PPP2R2B: variants seen among roughly 807,000 people sequenced by gnomAD.
PPP2R2B encodes the protein serine/threonine-protein phosphatase 2A 55 kDa regulatory subunit B beta isoform.
In PPP2R2B, 5 loss-of-function variants were observed where a neutral mutation model predicts 46.0. The ratio of observed to expected loss-of-function variants is 0.11; its 90% CI spans 0.06 to 0.23. The LOEUF (loss-of-function observed/expected upper bound fraction) is 0.23. Among genes scored for constraint, PPP2R2B ranks in the 10% least tolerant of loss-of-function variants. The pLI, the probability that PPP2R2B is intolerant of heterozygous loss-of-function variation, is 1.00. For synonymous variants in PPP2R2B, 215 were observed against 206.7 expected, an observed-to-expected ratio of 1.04 and a Z score of -0.34; for missense variants, 367 against 575.0, an observed-to-expected ratio of 0.64 and a Z score of 3.70.
At position 146,582,945 on chromosome 5, in the gene PPP2R2B, C is replaced by T. The variant is rs1377435141; in HGVS notation, c.*7002G>A. ...AGAAGCTCCTGATATGTGAACCACA[C>T]TAAGTCCATGCATTATTATTTTTCA... On this transcript the variant is annotated 3_prime_UTR_variant, in exon 10 of 10. Coordinates refer to ENST00000394411, the MANE Select transcript of PPP2R2B (RefSeq NM_181675.4). 6.6e-6 allele frequency: 1 copy of T among 152,222 alleles called. No individual in the cohort carries two copies. Among genetic ancestry groups the T allele is most frequent in the Non-Finnish European group, 1.5e-5 (1 of 68,044 alleles). The allele number at this position is 152,222 out of a possible 1,614,324, so 9.4% of individuals were successfully genotyped here. A position where few individuals can be genotyped will look rare whatever the true frequency, so the allele number is the denominator to read the frequency against.
intron 1 of PPP2R2B, among the ~76,000 whole-genome samples, chr5:146,944,635 G>A (rs1036679733): frequency 2.6e-5 from 4 of 152,044 alleles, no homozygotes; most frequent in East Asian, 3.9e-4. Flanking sequence ...TCACAGGAGC[G>A]GGAAGACTGT....
At chr5:146,843,913 G>A (rs546966603) in intron 2 of PPP2R2B, among the ~76,000 whole-genome samples, 9 of 151,848 alleles carry the variant, frequency 5.9e-5, no homozygotes, top group East Asian at 1.9e-4. Flanking sequence ...ATAAACATAC[G>A]TGTGCATGTG....
chr5:146,897,012 A>G (rs1366432590), intron 1 of PPP2R2B, among the ~76,000 whole-genome samples: 8 of 152,212 alleles, frequency 5.3e-5, no homozygotes, highest in Non-Finnish European at 8.8e-5. Flanking sequence ...AACTGAGCAT[A>G]TATTTGTCAT....
rs147122204 is a variant in PPP2R2B, at chr5:146,747,221, A to G, written c.71-46079T>C. Among the ~76,000 whole-genome samples the G allele has an allele frequency of 3.6e-3, 547 of 152,282 alleles. 4 individuals carry two copies. The highest frequency in any genetic ancestry group is 6.4e-3 in the Non-Finnish European group (434 of 68,018). ...CAGAAAAAATGGCTCTTGTCTCCCA[A>G]TGGTAGGCAGTTTAGCTGTGAGACC... On this transcript the variant is annotated intron_variant, in intron 2 of 9. Coordinates refer to ENST00000394411, the MANE Select transcript of PPP2R2B (RefSeq NM_181675.4).
intron 1 of PPP2R2B, among the ~76,000 whole-genome samples, chr5:146,900,645 C>T (rs1289769258): frequency 2.1e-5 from 3 of 142,076 alleles, no homozygotes; most frequent in Non-Finnish European, 3.0e-5. Context: ...TTTTAAGCTC[C>T]GGGCTACAGG....
rs537143140 is a variant in PPP2R2B, at chr5:146,796,686, C to G, written c.70+81316G>C. Among the ~76,000 whole-genome samples, 4 of 152,226 alleles carry G rather than the reference C, an allele frequency of 2.6e-5. No individual in the cohort carries two copies. In the East Asian group the frequency reaches 7.7e-4, roughly 29 times the overall value. ...CAATTTGGGAAGTCCTATTTACAAA[C>G]CTAGGGTAGAAAAGGAAACTAATCA... On this transcript the variant is annotated intron_variant, in intron 2 of 9. Coordinates refer to ENST00000394411, the MANE Select transcript of PPP2R2B (RefSeq NM_181675.4).
chr5:146,851,956 G>A (rs565210507), intron 2 of PPP2R2B, among the ~76,000 whole-genome samples: 1 of 152,154 alleles, frequency 6.6e-6, no homozygotes, highest in Non-Finnish European at 1.5e-5. Context: ...TTGAGGTCTA[G>A]GATAGCATTT....
chr5:146,733,351 T>A (rs1447618918), intron 2 of PPP2R2B, among the ~76,000 whole-genome samples: 1 of 152,124 alleles, frequency 6.6e-6, no homozygotes. Context: ...GATATAAAAT[T>A]AATTGGGGGT....
At chr5:146,655,759 G>A (rs571489299) in intron 5 of PPP2R2B, among the ~76,000 whole-genome samples, 3 of 152,282 alleles carry the variant, frequency 2.0e-5, no homozygotes, top group Admixed American at 1.3e-4. Flanking sequence ...GGGCGATCAC[G>A]CTGCCATGGA....
chr5:146,944,181 A>G (rs1764408674), intron 1 of PPP2R2B, among the ~76,000 whole-genome samples: 1 of 152,208 alleles, frequency 6.6e-6, no homozygotes, highest in African/African-American at 2.4e-5. Context: ...TCCTAAGTGC[A>G]ATACGCTGAG....
At chr5:146,755,239 C>G (rs931002101) in intron 2 of PPP2R2B, among the ~76,000 whole-genome samples, 15 of 152,096 alleles carry the variant, frequency 9.9e-5, no homozygotes, top group African/African-American at 3.6e-4. Context: ...TGCATTCATA[C>G]ATGCATTACT....
chr5:147,022,653 A>C (rs1755337113), intron 1 of PPP2R2B, among the ~76,000 whole-genome samples: 2 of 152,294 alleles, frequency 1.3e-5, no homozygotes, highest in South Asian at 2.1e-4. Context: ...AATTTTTCTA[A>C]GGAACATCAT....
At chr5:146,869,665 G>C (rs1300316570) in intron 2 of PPP2R2B, among the ~76,000 whole-genome samples, 1 of 152,218 alleles carries the variant, frequency 6.6e-6, no homozygotes, top group Non-Finnish European at 1.5e-5. Flanking sequence ...TAACCTTTGG[G>C]TAGGAAAGTG....
chr5:146,703,746 C>A (rs554436367), intron 2 of PPP2R2B, among the ~76,000 whole-genome samples: 24 of 152,322 alleles, frequency 1.6e-4, no homozygotes. Flanking sequence ...GTCAAAGTCA[C>A]ATGATTTAAG....
At position 146,616,130 on chromosome 5, in the gene PPP2R2B, G is replaced by C. The variant is rs111531446; in HGVS notation, c.791-15670C>G. Among the ~76,000 whole-genome samples the C allele has an allele frequency of 6.7e-3, 1,019 of 152,176 alleles. 15 individuals are homozygous for C. The highest frequency in any genetic ancestry group is 0.023 in the African/African-American group (967 of 41,524). ...ACAAAGGTGCCAAGAACATACACTGGGGGAAAAGACAGTCTCTTCAACTAT... is the reference window on the plus strand; with the variant it reads ...ACAAAGGTGCCAAGAACATACACTGCGGGAAAAGACAGTCTCTTCAACTAT... On this transcript the variant is annotated intron_variant, in intron 7 of 9. Transcript: ENST00000394411.
At chr5:146,992,002 T>G (rs1163955166) in intron 1 of PPP2R2B, among the ~76,000 whole-genome samples, 2 of 152,148 alleles carry the variant, frequency 1.3e-5, no homozygotes, top group Non-Finnish European at 2.9e-5. Context: ...GTTAAAATTT[T>G]TCATAGAAAT....
intron 6 of PPP2R2B, among the ~76,000 whole-genome samples, chr5:146,649,415 T>C (rs1458881301): frequency 8.8e-6 from 1 of 114,126 alleles, no homozygotes; most frequent in African/African-American, 4.4e-5. Flanking sequence ...CTATTCAGCA[T>C]TTTTTTTTTT....
At chr5:147,030,979 G>A (rs1357889281) in intron 1 of PPP2R2B, among the ~76,000 whole-genome samples, 1 of 152,156 alleles carries the variant, frequency 6.6e-6, no homozygotes, top group African/African-American at 2.4e-5. Flanking sequence ...GCTCACGCCT[G>A]TAATCCCAGC....
rs138389627 is a variant in PPP2R2B, at chr5:146,739,524, C to T, written c.71-38382G>A. On this transcript the variant is annotated intron_variant, in intron 2 of 9. Transcript: ENST00000394411. ...GGGACCAACAGAGATTTCAATGAGA[C>T]GGAAGCATGGAGTGCCAGGGCTGGG... Among the ~76,000 whole-genome samples, 563 of 152,108 alleles carry T rather than the reference C, an allele frequency of 3.7e-3. 3 individuals are homozygous for T. The highest frequency in any genetic ancestry group is 0.013 in the African/African-American group (534 of 41,482).
Sources: allele counts gnomAD v4.1 joint callset (sites outside exome capture counted in the v4.1 genomes callset), GRCh38; gene constraint gnomAD v4.1.1; transcripts MANE v1.5; gene names NCBI Gene and HGNC (gene_info 2026-07-23, HGNC 2026-07-21).